NUDT3: variants seen among roughly 807,000 people sequenced by gnomAD.
NUDT3 encodes the protein diphosphoinositol polyphosphate phosphohydrolase 1.
In NUDT3, 9 loss-of-function variants were observed where a neutral mutation model predicts 23.6. That is an observed-to-expected ratio of 0.38 (90% CI 0.23 to 0.66). The LOEUF (loss-of-function observed/expected upper bound fraction) is 0.66, where lower values mean the gene tolerates loss of function less well. NUDT3 is among the 30% of genes least tolerant of loss of function. The probability of loss-of-function intolerance (pLI) is 0.52; values close to 1 mark genes in which losing one functional copy is unlikely to be tolerated. For missense variants in NUDT3, 172 were observed against 218.5 expected, an observed-to-expected ratio of 0.79 and a Z score of 1.34; for synonymous variants, 86 against 82.6, an observed-to-expected ratio of 1.04 and a Z score of -0.22.
chr6:34,327,639 G>C (rs1310118027), intron 2 of NUDT3, among the ~76,000 whole-genome samples: 1 of 152,148 alleles, frequency 6.6e-6, no homozygotes, highest in Non-Finnish European at 1.5e-5. Flanking sequence ...GGAGGAACAT[G>C]AAAGTGGACA....
intron 1 of NUDT3, among the ~76,000 whole-genome samples, chr6:34,388,135 AG>A (rs1206270285): frequency 6.6e-6 from 1 of 152,332 alleles, no homozygotes; most frequent in Non-Finnish European, 1.5e-5. Flanking sequence ...TTTGCAGCTT[AG>A]GAGCAATAGG....
At chr6:34,303,253 G>A (rs116285882) in intron 2 of NUDT3, among the ~76,000 whole-genome samples, 1,247 of 97,222 alleles carry the variant, frequency 0.013, 11 homozygotes, top group African/African-American at 0.042. Context: ...TCATTATGTT[G>A]CCCAGGCTAG....
chr6:34,375,072 C>T (rs1561922852), intron 1 of NUDT3, among the ~76,000 whole-genome samples: 1 of 152,190 alleles, frequency 6.6e-6, no homozygotes, highest in Non-Finnish European at 1.5e-5. Flanking sequence ...TTCGGCCGGG[C>T]GCTGTGGCTC....
chr6:34,377,748 G>A (rs754503730), intron 1 of NUDT3, among the ~76,000 whole-genome samples: 10 of 150,738 alleles, frequency 6.6e-5, no homozygotes, highest in South Asian at 4.2e-4. Context: ...CATGAGAATC[G>A]CTTGACCCTG....
intron 2 of NUDT3, among the ~76,000 whole-genome samples, chr6:34,326,214 A>G (rs1764025838): frequency 6.6e-6 from 1 of 152,224 alleles, no homozygotes; most frequent in African/African-American, 2.4e-5. Context: ...ATCTAGATAC[A>G]CTTTCTAATT....
chr6:34,364,695 A>G (rs1324179743), intron 1 of NUDT3, among the ~76,000 whole-genome samples: 1 of 152,240 alleles, frequency 6.6e-6, no homozygotes, highest in Non-Finnish European at 1.5e-5. Context: ...TAACACACCA[A>G]TAGCATCCAG....
chr6:34,340,000 C>T (rs2113733417), intron 2 of NUDT3, among the ~76,000 whole-genome samples: 1 of 152,262 alleles, frequency 6.6e-6, no homozygotes, highest in African/African-American at 2.4e-5. Flanking sequence ...TAAGCATAAG[C>T]ATACAAAGCA....
intron 1 of NUDT3, among the ~76,000 whole-genome samples, chr6:34,359,528 T>C (rs1311835234): frequency 6.6e-6 from 1 of 152,378 alleles, no homozygotes; most frequent in Non-Finnish European, 1.5e-5. Context: ...ACAATAAATA[T>C]GTGACCTTTA....
rs957166787 is a variant in NUDT3 at position 34,382,072 on chromosome 6, C to CAAAAA, written c.99+10187_99+10191dup. Reference sequence around the variant, plus strand: ...TGAGCGACAGAGCGAGACTCTATCTCAAAAAAAAAAAAAAAAAAAAAAAAA... The same window carrying CAAAAA: ...TGAGCGACAGAGCGAGACTCTATCTCAAAAAAAAAAAAAAAAAAAAAAAAAAAAAA... On this transcript the variant is annotated intron_variant, in intron 1 of 4. Coordinates refer to ENST00000607016, the MANE Select transcript of NUDT3 (RefSeq NM_006703.4). 2.9e-4 allele frequency among the ~76,000 whole-genome samples: 10 copies of CAAAAA among 34,958 alleles called. 1 individual carries two copies. The highest frequency in any genetic ancestry group is 8.4e-4 in the African/African-American group (9 of 10,772). The allele number at this position is 34,958 out of a possible 152,430, so 22.9% of individuals were successfully genotyped here. A position where few individuals can be genotyped will look rare whatever the true frequency, so the allele number is the denominator to read the frequency against.
chr6:34,336,301 G>A (rs372159847), intron 2 of NUDT3, among the ~76,000 whole-genome samples: 16 of 152,080 alleles, frequency 1.1e-4, no homozygotes, highest in African/African-American at 3.4e-4. Context: ...ACATTTGAGT[G>A]GGGTGGGGGA....
chr6:34,287,230 T>C lies in NUDT3; in HGVS notation c.*1523A>G, dbSNP rs1763345944. 6.6e-6 allele frequency: 1 copy of C among 152,238 alleles called. No homozygotes were observed. Among genetic ancestry groups the C allele is most frequent in the Non-Finnish European group, 1.5e-5 (1 of 68,054 alleles). The allele number at this position is 152,238 out of a possible 1,614,324, so 9.4% of individuals were successfully genotyped here. ...TGAGTGCTTTATTAGAATTTTTAAA[T>C]GAGGCGAACTATGATTTTAATTTCA... On this transcript the variant is annotated 3_prime_UTR_variant, in exon 5 of 5. Coordinates refer to ENST00000607016, the MANE Select transcript of NUDT3 (RefSeq NM_006703.4).
intron 1 of NUDT3, among the ~76,000 whole-genome samples, chr6:34,382,616 C>A (rs935570834): frequency 5.3e-5 from 8 of 152,040 alleles, no homozygotes; most frequent in Non-Finnish European, 1.0e-4. Flanking sequence ...AGGGCTGCTG[C>A]TTCAGCTCAG....
chr6:34,367,020 G>A (rs1764745935), intron 1 of NUDT3, among the ~76,000 whole-genome samples: 1 of 152,030 alleles, frequency 6.6e-6, no homozygotes, highest in African/African-American at 2.4e-5. Flanking sequence ...AGCCTCCCAA[G>A]TAGCTGGGAT....
At chr6:34,370,651 T>C (rs765197080) in intron 1 of NUDT3, among the ~76,000 whole-genome samples, 14 of 152,222 alleles carry the variant, frequency 9.2e-5, no homozygotes, top group Non-Finnish European at 1.9e-4. Context: ...AGCTGAACAA[T>C]GGTGTTAATT....
chr6:34,360,284 A>C (rs1055094834), intron 1 of NUDT3, among the ~76,000 whole-genome samples: 4 of 151,758 alleles, frequency 2.6e-5, no homozygotes, highest in Non-Finnish European at 4.4e-5. Flanking sequence ...AAAACAAAAC[A>C]AAACAAACGC....
At chr6:34,300,927 T>C (rs186295795) in intron 2 of NUDT3, among the ~76,000 whole-genome samples, 26 of 152,382 alleles carry the variant, frequency 1.7e-4, no homozygotes, top group African/African-American at 5.5e-4. Context: ...CATGTTTTTA[T>C]ACTTTTACTA....
intron 2 of NUDT3, among the ~76,000 whole-genome samples, chr6:34,303,164 G>A (rs1407331455): frequency 1.4e-5 from 2 of 148,050 alleles, no homozygotes; most frequent in Non-Finnish European, 3.0e-5. Flanking sequence ...CCTGAGTAAC[G>A]CGGATCACAG....
At chr6:34,368,289 T>C (rs1224764314) in intron 1 of NUDT3, among the ~76,000 whole-genome samples, 1 of 152,226 alleles carries the variant, frequency 6.6e-6, no homozygotes, top group Non-Finnish European at 1.5e-5. Flanking sequence ...TACTTCAAGC[T>C]GCTTTTTTCC....
At chr6:34,364,996 G>A (rs566131782) in intron 1 of NUDT3, among the ~76,000 whole-genome samples, 2 of 152,202 alleles carry the variant, frequency 1.3e-5, no homozygotes, top group African/African-American at 4.8e-5. Context: ...ACTTCAGCCT[G>A]GGTGACAGAG....
Sources: gnomAD v4.1 joint callset for allele counts (sites outside exome capture counted in the v4.1 genomes callset) on GRCh38, gnomAD v4.1.1 for gene constraint, MANE v1.5 for transcripts, NCBI Gene and HGNC (gene_info 2026-07-23, HGNC 2026-07-21) for gene names.